ME1: variants seen among roughly 807,000 people sequenced by gnomAD.
The protein encoded by ME1 is malic enzyme 1, also known as NADP-dependent malic enzyme.
In ME1, 74 loss-of-function variants were observed where a neutral mutation model predicts 66.4. The ratio of observed to expected loss-of-function variants is 1.11; its 90% CI spans 0.92 to 1.35. The LOEUF (loss-of-function observed/expected upper bound fraction) is 1.35. Ranked by LOEUF, ME1 falls within the 40% of genes most tolerant of loss-of-function variation. The probability of loss-of-function intolerance (pLI) is 0.00; values close to 1 mark genes in which losing one functional copy is unlikely to be tolerated. For synonymous variants in ME1, 251 were observed against 235.6 expected (o/e 1.07, Z -0.60); for missense variants, 750 against 694.1 (o/e 1.08, Z -0.90).
chr6:83,216,327 A>G (rs74490794), intron 13 of ME1, among the ~76,000 whole-genome samples, 171 bp downstream of exon 13: 4,006 of 152,320 alleles, frequency 0.026, 81 homozygotes, highest in Admixed American at 0.055. Flanking sequence ...TCTGAGAAGC[A>G]AATGTAGCTC....
At chr6:83,243,864 ACTCT>A (rs1316269132) in intron 7 of ME1, among the ~76,000 whole-genome samples, 1 of 111,740 alleles carries the variant, frequency 8.9e-6, no homozygotes, top group African/African-American at 3.6e-5. Context: ...ATTATATATA[ACTCT>A]CTCTCTATAT....
At chr6:83,334,666 C>A (rs900568611) in intron 5 of ME1, among the ~76,000 whole-genome samples, 1 of 47,082 alleles carries the variant, frequency 2.1e-5, no homozygotes, top group Admixed American at 2.8e-4. Context: ...CCCCTGACCC[C>A]CGAGCAACCT....
chr6:83,386,627 T>C (rs1281689947), intron 3 of ME1, among the ~76,000 whole-genome samples: 1 of 151,970 alleles, frequency 6.6e-6, no homozygotes, highest in Non-Finnish European at 1.5e-5. Flanking sequence ...ACTGACAGTT[T>C]ACATTATAAT....
At chr6:83,265,929 G>T (rs988017834) in intron 6 of ME1, among the ~76,000 whole-genome samples, 4 of 152,100 alleles carry the variant, frequency 2.6e-5, no homozygotes, top group African/African-American at 9.6e-5. Context: ...AACTATAATT[G>T]AATATGAATA....
intron 6 of ME1, among the ~76,000 whole-genome samples, chr6:83,304,082 T>A (rs1307824812): frequency 6.6e-6 from 1 of 152,178 alleles, no homozygotes; most frequent in African/African-American, 2.4e-5. Context: ...TTTATATGTT[T>A]TCTCTCAATC....
intron 6 of ME1, among the ~76,000 whole-genome samples, chr6:83,276,786 A>G (rs2128532215): frequency 6.6e-6 from 1 of 152,340 alleles, no homozygotes; most frequent in South Asian, 2.1e-4. Context: ...AAAATTTTAA[A>G]GGTCATAGAA....
chr6:83,247,211 A>T (rs1182577619), intron 7 of ME1, among the ~76,000 whole-genome samples: 3 of 152,122 alleles, frequency 2.0e-5, no homozygotes, highest in Non-Finnish European at 4.4e-5. Context: ...AGAGGCTACT[A>T]TGAGAAGAAA....
intron 3 of ME1, among the ~76,000 whole-genome samples, chr6:83,354,980 T>C (rs1480151710): frequency 6.6e-6 from 1 of 152,232 alleles, no homozygotes; most frequent in African/African-American, 2.4e-5. Flanking sequence ...TACTGATGAC[T>C]GTCTGACTCA....
intron 3 of ME1, among the ~76,000 whole-genome samples, chr6:83,360,315 A>C (rs920090240): frequency 2.0e-5 from 3 of 152,204 alleles, no homozygotes; most frequent in Non-Finnish European, 4.4e-5. Flanking sequence ...GGAAATGATC[A>C]GACATTTTGG....
rs546629896 is a variant in ME1 at position 83,397,736 on chromosome 6, A to C, written c.362+631T>G. Among the ~76,000 whole-genome samples the C allele has an allele frequency of 2.0e-5, 3 of 152,348 alleles. No individual in the cohort carries two copies. In the South Asian group the frequency reaches 6.2e-4, roughly 32 times the overall value. ...AGATATGGGATCAAGGTAAGAGTCC[A>C]TTAACAGATGAATGGATAAAGAAAA... On this transcript the variant is annotated intron_variant, in intron 3 of 13. Coordinates refer to ENST00000369705, the MANE Select transcript of ME1 (RefSeq NM_002395.6).
chr6:83,423,066 G>C (rs1300492860), intron 1 of ME1, among the ~76,000 whole-genome samples: 1 of 151,980 alleles, frequency 6.6e-6, no homozygotes, highest in Non-Finnish European at 1.5e-5. Flanking sequence ...TTATATTTAA[G>C]ATTCTGAAAG....
chr6:83,415,108 C>T (rs1051905415), intron 1 of ME1, among the ~76,000 whole-genome samples: 3 of 152,118 alleles, frequency 2.0e-5, no homozygotes, highest in East Asian at 3.9e-4. Flanking sequence ...TGACAAAATC[C>T]TCTATGCCTA....
intron 3 of ME1, among the ~76,000 whole-genome samples, chr6:83,394,891 A>G (rs1026462456): frequency 6.6e-6 from 1 of 152,216 alleles, no homozygotes; most frequent in African/African-American, 2.4e-5. Flanking sequence ...ATGCATCTCA[A>G]AGGTGACTAC....
chr6:83,290,423 T>C (rs935925641), intron 6 of ME1, among the ~76,000 whole-genome samples: 3 of 152,204 alleles, frequency 2.0e-5, no homozygotes, highest in Admixed American at 6.5e-5. Context: ...TCAGTTTCCA[T>C]GTAGTTGTGT....
chr6:83,274,030 C>T (rs77368298), intron 6 of ME1, among the ~76,000 whole-genome samples: 257 of 152,296 alleles, frequency 1.7e-3, no homozygotes, highest in African/African-American at 6.0e-3. Flanking sequence ...AGCTTCACTG[C>T]TACCTTTCCA....
intron 2 of ME1, among the ~76,000 whole-genome samples, chr6:83,402,241 T>C (rs1234819588): frequency 6.6e-6 from 1 of 152,174 alleles, no homozygotes; most frequent in Non-Finnish European, 1.5e-5. Context: ...GGAGGCTGTA[T>C]GTGCTCTCAA....
chr6:83,372,102 T>A (rs1365086647), intron 3 of ME1, among the ~76,000 whole-genome samples: 1 of 152,214 alleles, frequency 6.6e-6, no homozygotes, highest in African/African-American at 2.4e-5. Flanking sequence ...AATGACCTAA[T>A]ACAGTGTCTA....
chr6:83,352,039 A>G (rs1418430814), intron 4 of ME1, 25 bp downstream of exon 4: 3 of 1,506,160 alleles, frequency 2.0e-6, no homozygotes, highest in Admixed American at 2.0e-5. Context: ...AAAATTTGCT[A>G]TAGTGGAAAA....
At chr6:83,304,682 G>A (rs1027162923) in intron 6 of ME1, among the ~76,000 whole-genome samples, 21 of 152,108 alleles carry the variant, frequency 1.4e-4, no homozygotes, top group Non-Finnish European at 2.8e-4. Flanking sequence ...AAAAAACATG[G>A]CACACTGTGT....
Sources: gnomAD v4.1 joint callset for allele counts (sites outside exome capture counted in the v4.1 genomes callset) on GRCh38, gnomAD v4.1.1 for gene constraint, MANE v1.5 for transcripts, NCBI Gene and HGNC (gene_info 2026-07-23, HGNC 2026-07-21) for gene names.